Variants in DIAPH3 observed in about 807,000 individuals in gnomAD.
DIAPH3 encodes the protein protein diaphanous homolog 3.
Under a neutral mutation model 144.3 loss-of-function variants are expected in DIAPH3, and 117 were observed. That is an observed-to-expected ratio of 0.81 (90% confidence interval 0.70 to 0.95). DIAPH3 has a LOEUF of 0.95. Among genes scored for constraint, DIAPH3 ranks in the 40% least tolerant of loss-of-function variants. DIAPH3 has a pLI of 0.00. For synonymous variants in DIAPH3, 519 were observed against 488.9 expected (o/e 1.06, Z -0.81); for missense variants, 1,421 against 1,412.7 (o/e 1.01, Z -0.09).
chr13:59,984,555 C>G (rs1012853472), intron 12 of DIAPH3, among the ~76,000 whole-genome samples: 1 of 151,344 alleles, frequency 6.6e-6, no homozygotes, highest in African/African-American at 2.4e-5. Flanking sequence ...AAAGGATCAA[C>G]AAAATTGATA....
chr13:59,917,110 G>C (rs922694544), intron 18 of DIAPH3, among the ~76,000 whole-genome samples: 8 of 151,966 alleles, frequency 5.3e-5, no homozygotes, highest in Non-Finnish European at 1.0e-4. Flanking sequence ...TTTATTTAAT[G>C]AATTTCTATG....
intron 2 of DIAPH3, among the ~76,000 whole-genome samples, chr13:60,131,125 T>C (rs140687880): frequency 0.019 from 2,854 of 152,178 alleles, 83 homozygotes; most frequent in Admixed American, 0.08. Context: ...TACAGAATAC[T>C]ATCCAGCAAT....
intron 9 of DIAPH3, among the ~76,000 whole-genome samples, chr13:59,993,438 G>A (rs532516035): frequency 1.3e-5 from 2 of 151,376 alleles, no homozygotes; most frequent in Non-Finnish European, 3.0e-5. Flanking sequence ...CTGGACTACT[G>A]ATCAATATGT....
chr13:59,807,773 A>G (rs1007527879), intron 25 of DIAPH3, among the ~76,000 whole-genome samples: 1 of 152,072 alleles, frequency 6.6e-6, no homozygotes, highest in East Asian at 1.9e-4. Flanking sequence ...AGGTCAAATA[A>G]GATGAGCTCT....
chr13:59,925,360 T>A (rs1431243004), intron 17 of DIAPH3, among the ~76,000 whole-genome samples: 1 of 152,200 alleles, frequency 6.6e-6, no homozygotes, highest in African/African-American at 2.4e-5. Flanking sequence ...ATAAATTTTA[T>A]TGATCGTGAA....
intron 4 of DIAPH3, among the ~76,000 whole-genome samples, chr13:60,085,289 T>A (rs1000713034): frequency 6.6e-6 from 1 of 152,138 alleles, no homozygotes; most frequent in African/African-American, 2.4e-5. Context: ...GTTATGCATA[T>A]GGCAAACTAT....
At chr13:59,809,146 A>C (rs933364067) in intron 25 of DIAPH3, among the ~76,000 whole-genome samples, 5 of 152,206 alleles carry the variant, frequency 3.3e-5, no homozygotes, top group Admixed American at 1.3e-4. Context: ...CAAAACCCAC[A>C]AACAATACAT....
rs2140054166 is a variant in DIAPH3, at chr13:59,879,386, T to C, written c.2450A>G (p.Lys817Arg). The C allele has an allele frequency of 1.2e-6, 2 of 1,613,894 alleles. No individual in the cohort carries two copies. The highest frequency in any genetic ancestry group is 2.2e-5 in the East Asian group (1 of 44,856). Residue 817 changes from lysine (K) to arginine (R), a missense_variant, in exon 21 of 28, where the codon AAA (lysine) becomes AGA (arginine). Lys to Arg is a conservative substitution (Grantham distance 26). Coordinates refer to ENST00000400324, the MANE Select transcript of DIAPH3 (RefSeq NM_001042517.2). The stretch of plus-strand genomic sequence containing the variant: ...AGTACTGACAGCCATGATGTCAGGT[T>C]TGATGTTGTTCACCTGCTCTTCAAA... ...LQFEEQVNNI[K>R]PDIMAVSTAC...
At chr13:59,862,375 A>C (rs1314594604) in intron 21 of DIAPH3, among the ~76,000 whole-genome samples, 1 of 152,198 alleles carries the variant, frequency 6.6e-6, no homozygotes, top group Non-Finnish European at 1.5e-5. Context: ...CATTTTAGAA[A>C]GCTCCCTCCA....
At chr13:60,087,777 C>T (rs1319615852) in intron 4 of DIAPH3, among the ~76,000 whole-genome samples, 2 of 122,694 alleles carry the variant, frequency 1.6e-5, no homozygotes, top group South Asian at 5.2e-4. Flanking sequence ...GCTTCTTGAT[C>T]CAAAATATCA....
At chr13:59,727,901 C>G (rs17057137) in intron 27 of DIAPH3, among the ~76,000 whole-genome samples, 6,536 of 152,062 alleles carry the variant, frequency 0.043, 236 homozygotes, top group South Asian at 0.11. Flanking sequence ...TGAGTGTGGA[C>G]AGTAATTGAT....
At chr13:60,089,504 A>G (rs1196704063) in intron 4 of DIAPH3, among the ~76,000 whole-genome samples, 1 of 152,180 alleles carries the variant, frequency 6.6e-6, no homozygotes, top group Non-Finnish European at 1.5e-5. Context: ...GAAAATCCTC[A>G]GGCAGTTGTG....
At chr13:59,977,124 G>C (rs1012693621) in intron 14 of DIAPH3, among the ~76,000 whole-genome samples, 1 of 151,684 alleles carries the variant, frequency 6.6e-6, no homozygotes, top group East Asian at 1.9e-4. Context: ...TGAAGACACA[G>C]TTAAACAGAA....
intron 14 of DIAPH3, 112 bp downstream of exon 14, chr13:59,980,683 C>T: frequency 5.1e-6 from 5 of 984,406 alleles, no homozygotes; most frequent in Admixed American, 3.9e-5. Flanking sequence ...TCTATGCACA[C>T]ACCTGAAGCA....
chr13:60,029,623 AGGT>A (rs2054640309), intron 5 of DIAPH3, among the ~76,000 whole-genome samples: 1 of 152,190 alleles, frequency 6.6e-6, no homozygotes, highest in South Asian at 2.1e-4. Flanking sequence ...CCTGTGAAGA[AGGT>A]GCCTGCTTCT....
intron 1 of DIAPH3, among the ~76,000 whole-genome samples, chr13:60,154,352 C>T (rs896539619): frequency 6.6e-6 from 1 of 152,046 alleles, no homozygotes; most frequent in African/African-American, 2.4e-5. Flanking sequence ...GCACAGAGAA[C>T]GGTTAAGTAA....
chr13:59,756,526 CAGGG>C (rs558993505), intron 27 of DIAPH3, among the ~76,000 whole-genome samples: 61 of 87,672 alleles, frequency 7.0e-4, no homozygotes, highest in Middle Eastern at 9.8e-3. Context: ...GTCAGGCAGG[CAGGG>C]AGGGAGGGAG....
intron 17 of DIAPH3, among the ~76,000 whole-genome samples, chr13:59,956,897 C>T (rs578152830): frequency 6.6e-6 from 1 of 152,300 alleles, no homozygotes; most frequent in African/African-American, 2.4e-5. Flanking sequence ...AATTTTGGAG[C>T]TTTAAGATTT....
chr13:59,750,660 T>C (rs2036961139), intron 27 of DIAPH3, among the ~76,000 whole-genome samples: 1 of 152,184 alleles, frequency 6.6e-6, no homozygotes, highest in Non-Finnish European at 1.5e-5. Flanking sequence ...ATCTAATACC[T>C]GTGTGAATTA....
Sources: allele counts gnomAD v4.1 joint callset (sites outside exome capture counted in the v4.1 genomes callset), GRCh38; gene constraint gnomAD v4.1.1; transcripts MANE v1.5; gene names NCBI Gene and HGNC (gene_info 2026-07-23, HGNC 2026-07-21).